Variants in FGF14 observed in about 807,000 individuals in gnomAD.
The protein encoded by FGF14 is fibroblast growth factor homologous factor 4.
In FGF14, 5 loss-of-function variants were observed where a neutral mutation model predicts 25.5. That is an observed-to-expected ratio of 0.20 (90% confidence interval 0.10 to 0.41). The LOEUF (loss-of-function observed/expected upper bound fraction) is 0.41. FGF14 is among the 10% of genes least tolerant of loss of function. The probability of loss-of-function intolerance (pLI) is 1.00; values close to 1 mark genes in which losing one functional copy is unlikely to be tolerated. For synonymous variants in FGF14, 138 were observed against 118.3 expected (o/e 1.17, Z -1.08); for missense variants, 222 against 320.1 (o/e 0.69, Z 2.34).
At chr13:102,057,444 A>C (rs1447381735) in intron 1 of FGF14, among the ~76,000 whole-genome samples, 2 of 152,142 alleles carry the variant, frequency 1.3e-5, no homozygotes, top group African/African-American at 4.8e-5. Flanking sequence ...CAGGCCCCAC[A>C]ATTGGATGGA....
intron 1 of FGF14, among the ~76,000 whole-genome samples, chr13:102,148,171 C>T (rs2046931807): frequency 6.6e-6 from 1 of 152,088 alleles, no homozygotes; most frequent in Admixed American, 6.6e-5. Flanking sequence ...TGCAGTTACT[C>T]TCTAAAATCT....
chr13:101,776,097 A>T (rs2140000051), intron 3 of FGF14, among the ~76,000 whole-genome samples: 1 of 152,240 alleles, frequency 6.6e-6, no homozygotes, highest in South Asian at 2.1e-4. Context: ...ATTAATATAG[A>T]TGAACATTAC....
At chr13:102,163,003 C>T (rs1684546623) in intron 1 of FGF14, among the ~76,000 whole-genome samples, 1 of 152,078 alleles carries the variant, frequency 6.6e-6, no homozygotes, top group Non-Finnish European at 1.5e-5. Flanking sequence ...TGGAAAATGC[C>T]TCTAAACAAG....
chr13:102,066,112 T>C (rs1213556472), intron 1 of FGF14, among the ~76,000 whole-genome samples: 1 of 152,100 alleles, frequency 6.6e-6, no homozygotes, highest in Admixed American at 6.6e-5. Context: ...AATAATAACA[T>C]TTGGCTTAAA....
At chr13:101,899,543 A>G (rs764459486) in intron 1 of FGF14, among the ~76,000 whole-genome samples, 14 of 151,998 alleles carry the variant, frequency 9.2e-5, no homozygotes, top group Non-Finnish European at 1.6e-4. Context: ...TTTAATTGAA[A>G]ATAGCCACCC....
intron 3 of FGF14, among the ~76,000 whole-genome samples, chr13:101,843,177 A>AT (rs1407250023): frequency 2.6e-5 from 4 of 152,016 alleles, no homozygotes; most frequent in African/African-American, 9.7e-5. Flanking sequence ...AAACCTATGA[A>AT]TTTTTTGAAG....
intron 3 of FGF14, among the ~76,000 whole-genome samples, chr13:101,820,393 C>T (rs984971436): frequency 2.6e-5 from 4 of 152,018 alleles, no homozygotes; most frequent in Non-Finnish European, 5.9e-5. Flanking sequence ...TAAACGTTGG[C>T]TGATAACAAA....
chr13:101,950,751 G>GTT (rs61285721), intron 1 of FGF14, among the ~76,000 whole-genome samples: 6,066 of 131,828 alleles, frequency 0.046, 211 homozygotes, highest in Non-Finnish European at 0.054. Context: ...ACCTAATCAT[G>GTT]TTTTTTTTTT....
chr13:101,713,740 A>G lies in FGF14; in HGVS notation c.*9091T>C, dbSNP rs2034586559. ...GTAAGTAAAGATATTTTAAATAACC[A>G]AAGAGGAAGTTTTTTAGTTAGGTAG... is the stretch of plus-strand genomic sequence containing the variant. On this transcript the variant is annotated 3_prime_UTR_variant, in exon 5 of 5. Transcript: ENST00000376143. 1 of 152,150 alleles carries G rather than the reference A, an allele frequency of 6.6e-6. No homozygotes were observed. Among genetic ancestry groups the G allele is most frequent in the African/African-American group, 2.4e-5 (1 of 41,440 alleles). 9.4% of individuals were successfully genotyped at this position (152,150 alleles called of 1,614,324 possible).
At position 102,121,439 on chromosome 13, in the gene FGF14, T is replaced by A. The variant is rs63638160; in HGVS notation, c.209-246143A>T. On this transcript the variant is annotated intron_variant, in intron 1 of 4. Transcript: ENST00000376131. ...GTTAACAATTACTAAATATTTTGAATAAAAAAATCTATTTGATTCATCATT... is the reference window on the plus strand; with the variant it reads ...GTTAACAATTACTAAATATTTTGAAAAAAAAAATCTATTTGATTCATCATT... 0.013 allele frequency among the ~76,000 whole-genome samples: 252 copies of A among 19,262 alleles called. 1 individual carries two copies. In the African/African-American group the frequency reaches 0.2, roughly 15 times the overall value. 12.6% of individuals were successfully genotyped at this position (19,262 alleles called of 152,430 possible).
At chr13:102,319,901 A>T (rs2056179972) in intron 1 of FGF14, among the ~76,000 whole-genome samples, 1 of 152,218 alleles carries the variant, frequency 6.6e-6, no homozygotes. Context: ...ATATATGCAC[A>T]TGCATACTGA....
chr13:102,347,110 G>A (rs1303586640), intron 1 of FGF14, among the ~76,000 whole-genome samples: 1 of 152,172 alleles, frequency 6.6e-6, no homozygotes, highest in African/African-American at 2.4e-5. Context: ...TGAGATGCAT[G>A]ACCATGGCCA....
chr13:101,909,483 G>T (rs374777629), intron 1 of FGF14, among the ~76,000 whole-genome samples: 6 of 152,034 alleles, frequency 3.9e-5, no homozygotes, highest in East Asian at 1.9e-4. Flanking sequence ...CAAAAGACAC[G>T]TGAAAAAATG....
chr13:102,173,960 G>A (rs540972122), intron 1 of FGF14, among the ~76,000 whole-genome samples: 2 of 151,946 alleles, frequency 1.3e-5, no homozygotes, highest in Non-Finnish European at 2.9e-5. Context: ...GCAAGAGAAA[G>A]AATAAAAGGC....
intron 1 of FGF14, among the ~76,000 whole-genome samples, chr13:101,987,428 TC>T (rs2038648278): frequency 6.6e-6 from 1 of 152,102 alleles, no homozygotes; most frequent in African/African-American, 2.4e-5. Flanking sequence ...TGCTCAAATG[TC>T]ACCTTATCTG....
intron 3 of FGF14, among the ~76,000 whole-genome samples, chr13:101,773,816 G>C (rs9518533): frequency 0.41 from 60,620 of 147,744 alleles, 14,006 homozygotes; most frequent in Non-Finnish European, 0.52. Flanking sequence ...CCAGGTGTGA[G>C]TATTATCTGG....
At chr13:102,234,852 T>A (rs1486538829) in intron 1 of FGF14, among the ~76,000 whole-genome samples, 1 of 152,200 alleles carries the variant, frequency 6.6e-6, no homozygotes. Context: ...TTACTTTCTG[T>A]GTATGGAGAA....
At chr13:101,927,235 T>C (rs1594750496) in intron 1 of FGF14, among the ~76,000 whole-genome samples, 1 of 152,092 alleles carries the variant, frequency 6.6e-6, no homozygotes, top group Non-Finnish European at 1.5e-5. Context: ...ACTTGACAGG[T>C]TTTGTTTTAT....
chr13:101,952,046 A>T (rs2036198830), intron 1 of FGF14, among the ~76,000 whole-genome samples: 1 of 152,200 alleles, frequency 6.6e-6, no homozygotes, highest in South Asian at 2.1e-4. Context: ...ATTTAATTAA[A>T]CCCAGTCAAC....
Sources: gnomAD v4.1 joint callset for allele counts (sites outside exome capture counted in the v4.1 genomes callset) on GRCh38, gnomAD v4.1.1 for gene constraint, MANE v1.5 for transcripts, NCBI Gene and HGNC (gene_info 2026-07-23, HGNC 2026-07-21) for gene names.